Variants in GMDS observed in about 807,000 individuals in gnomAD.
GMDS encodes GDP-mannose 4,6 dehydratase.
A neutral mutation model predicts 49.9 loss-of-function variants in GMDS; 20 were observed. The ratio of observed to expected loss-of-function variants is 0.40; its 90% CI spans 0.28 to 0.58. The LOEUF (loss-of-function observed/expected upper bound fraction) is 0.58, where lower values mean the gene tolerates loss of function less well. GMDS is among the 20% of genes least tolerant of loss of function. The pLI is 0.42. For missense variants in GMDS, 362 were observed against 481.4 expected (o/e 0.75, Z 2.32); for synonymous variants, 177 against 178.6 (o/e 0.99, Z 0.07).
At chr6:2,061,109 C>T (rs1249054000) in intron 4 of GMDS, among the ~76,000 whole-genome samples, 4 of 152,080 alleles carry the variant, frequency 2.6e-5, no homozygotes, top group African/African-American at 9.7e-5. Flanking sequence ...GGCAGGAGCA[C>T]GGTTGCTGTG....
intron 4 of GMDS, among the ~76,000 whole-genome samples, chr6:2,042,909 T>C (rs1306791577): frequency 6.6e-6 from 1 of 152,218 alleles, no homozygotes; most frequent in Non-Finnish European, 1.5e-5. Flanking sequence ...CCAAAATGTT[T>C]AGGTAAAGTG....
chr6:1,786,820 G>GT (rs1769342807), intron 7 of GMDS, among the ~76,000 whole-genome samples: 1 of 151,710 alleles, frequency 6.6e-6, no homozygotes, highest in South Asian at 2.1e-4. Flanking sequence ...TATCACTGCA[G>GT]TAAGTTGAAA....
chr6:1,907,006 G>A (rs1760810682), intron 7 of GMDS, among the ~76,000 whole-genome samples: 1 of 152,194 alleles, frequency 6.6e-6, no homozygotes, highest in African/African-American at 2.4e-5. Flanking sequence ...TGGAGGGTGA[G>A]AACTCAGATG....
At chr6:2,079,464 T>A (rs1772544816) in intron 4 of GMDS, among the ~76,000 whole-genome samples, 2 of 152,150 alleles carry the variant, frequency 1.3e-5, no homozygotes. Flanking sequence ...TTTTACACAT[T>A]CATAAGTTTT....
intron 1 of GMDS, among the ~76,000 whole-genome samples, chr6:2,221,277 T>C (rs565010938): frequency 1.3e-4 from 20 of 152,264 alleles, no homozygotes; most frequent in Non-Finnish European, 2.6e-4. Flanking sequence ...TTCTCACTTG[T>C]AATATCATGA....
intron 1 of GMDS, among the ~76,000 whole-genome samples, chr6:2,219,906 G>C (rs1415787228): frequency 1.3e-5 from 2 of 152,122 alleles, no homozygotes; most frequent in Admixed American, 1.3e-4. Context: ...CATGGCACCA[G>C]AAGTGGAAAA....
chr6:1,905,593 GTTGGTGTGT>G (rs2113866515), intron 7 of GMDS, among the ~76,000 whole-genome samples: 1 of 137,640 alleles, frequency 7.3e-6, no homozygotes, highest in African/African-American at 2.7e-5. Context: ...AGCTGTGGGT[GTTGGTGTGT>G]AGGTGGGACC....
intron 9 of GMDS, among the ~76,000 whole-genome samples, chr6:1,719,755 G>C (rs1352255232): frequency 6.6e-6 from 1 of 152,122 alleles, no homozygotes; most frequent in Non-Finnish European, 1.5e-5. Flanking sequence ...TATTCTTTAG[G>C]TGATGTACTT....
At chr6:1,999,028 T>C (rs1310582274) in intron 4 of GMDS, among the ~76,000 whole-genome samples, 1 of 152,108 alleles carries the variant, frequency 6.6e-6, no homozygotes, top group Non-Finnish European at 1.5e-5. Flanking sequence ...CCATTTTAAA[T>C]AATGCAGATA....
intron 6 of GMDS, 40 bp from the exon 7 acceptor site, chr6:1,930,270 T>C (rs1282702282): frequency 8.8e-6 from 14 of 1,585,236 alleles, no homozygotes; most frequent in South Asian, 1.2e-5. Context: ...TCAAGTGCAC[T>C]TGACACATTT....
chr6:2,199,276 CA>C (rs890343966), intron 1 of GMDS, among the ~76,000 whole-genome samples: 11 of 152,136 alleles, frequency 7.2e-5, no homozygotes, highest in African/African-American at 2.7e-4. Context: ...TGGATGGCAA[CA>C]AAGTATTATA....
At chr6:1,922,672 C>T (rs1389432253) in intron 7 of GMDS, among the ~76,000 whole-genome samples, 6 of 152,098 alleles carry the variant, frequency 3.9e-5, no homozygotes, top group Non-Finnish European at 7.4e-5. Flanking sequence ...AAGAGAGAAA[C>T]GTGGTTTGAC....
chr6:1,867,444 T>C (rs768528352), intron 7 of GMDS, among the ~76,000 whole-genome samples: 27 of 152,178 alleles, frequency 1.8e-4, no homozygotes, highest in Middle Eastern at 6.8e-3. Flanking sequence ...TGTGATAGAG[T>C]GTGCAGGCAA....
chr6:2,087,697 AT>A (rs1170472553), intron 4 of GMDS, among the ~76,000 whole-genome samples: 2 of 152,206 alleles, frequency 1.3e-5, no homozygotes, highest in African/African-American at 4.8e-5. Flanking sequence ...TATTGCTTGA[AT>A]GTTGTTCACT....
chr6:1,818,994 A>T (rs1369591515), intron 7 of GMDS, among the ~76,000 whole-genome samples: 1 of 152,118 alleles, frequency 6.6e-6, no homozygotes, highest in African/African-American at 2.4e-5. Flanking sequence ...GACTAGATAG[A>T]AGCTGGTATT....
chr6:2,155,704 A>T (rs952089184), intron 1 of GMDS, among the ~76,000 whole-genome samples: 1 of 152,210 alleles, frequency 6.6e-6, no homozygotes, highest in Non-Finnish European at 1.5e-5. Flanking sequence ...TCCTTAAGAA[A>T]AATGATGTGT....
intron 7 of GMDS, among the ~76,000 whole-genome samples, chr6:1,812,630 G>A (rs1015263274): frequency 6.6e-6 from 1 of 152,070 alleles, no homozygotes; most frequent in African/African-American, 2.4e-5. Context: ...ACAGGAGGAG[G>A]ACAACTCGAT....
chr6:1,819,773 AAAAATAT>A (rs1172549478), intron 7 of GMDS, among the ~76,000 whole-genome samples: 14 of 129,768 alleles, frequency 1.1e-4, no homozygotes, highest in African/African-American at 3.3e-4. Context: ...AAAAAAAAAA[AAAAATAT>A]ATATATATAT....
chr6:1,818,424 A>G (rs1229465160), intron 7 of GMDS, among the ~76,000 whole-genome samples: 1 of 152,086 alleles, frequency 6.6e-6, no homozygotes, highest in African/African-American at 2.4e-5. Flanking sequence ...CCTGGCCAAC[A>G]TGGTGAAACC....
Sources: gnomAD v4.1 joint callset for allele counts (sites outside exome capture counted in the v4.1 genomes callset) on GRCh38, gnomAD v4.1.1 for gene constraint, MANE v1.5 for transcripts, NCBI Gene and HGNC (gene_info 2026-07-23, HGNC 2026-07-21) for gene names.